Variants in SKIC3 observed in about 807,000 individuals in gnomAD.
SKIC3 encodes the protein SKI3 subunit of superkiller complex.
At chr5:95,482,461 G>C in the SKIC3 span, 36 of 1,613,474 alleles carry the variant, frequency 2.2e-5, no homozygotes, top group Non-Finnish European at 2.9e-5. Flanking sequence ...AGTAAGAAAG[G>C]AGAAAACTTA....
the SKIC3 span, chr5:95,464,392 GT>G: frequency 2.0e-6 from 1 of 494,034 alleles, no homozygotes; most frequent in Non-Finnish European, 3.6e-6. Flanking sequence ...TTTCATTCTG[GT>G]TTTCCCAAAT....
At chr5:95,495,791 G>T in the SKIC3 span, among the ~76,000 whole-genome samples, 10 of 152,188 alleles carry the variant, frequency 6.6e-5, no homozygotes, top group African/African-American at 2.4e-4. Flanking sequence ...CAAGCCTACA[G>T]AATTAGAAGC....
chr5:95,506,721 A>C, the SKIC3 span, among the ~76,000 whole-genome samples: 1 of 152,188 alleles, frequency 6.6e-6, no homozygotes. Flanking sequence ...CCAGTCAACA[A>C]ACCATGAGTT....
the SKIC3 span, among the ~76,000 whole-genome samples, chr5:95,506,617 T>C: frequency 6.6e-6 from 1 of 152,168 alleles, no homozygotes; most frequent in African/African-American, 2.4e-5. Flanking sequence ...TTTAATAATA[T>C]ATAGCAAATC....
the SKIC3 span, chr5:95,523,931 G>A: frequency 4.0e-6 from 5 of 1,258,688 alleles, no homozygotes; most frequent in Non-Finnish European, 5.5e-6. Flanking sequence ...AAAGAAAAAA[G>A]AAATAATTTC....
chr5:95,469,827 A>C, the SKIC3 span: 1 of 1,614,212 alleles, frequency 6.2e-7, no homozygotes, highest in Non-Finnish European at 8.5e-7. Flanking sequence ...GTAAAAGAAC[A>C]GCCAGTGGAC....
the SKIC3 span, chr5:95,529,102 C>A: frequency 1.2e-6 from 2 of 1,613,092 alleles, no homozygotes; most frequent in South Asian, 2.2e-5. Context: ...TTCCTTTAAC[C>A]CTAAAAGGAT....
the SKIC3 span, among the ~76,000 whole-genome samples, chr5:95,518,515 A>T: frequency 1.4e-5 from 2 of 141,066 alleles, no homozygotes; most frequent in Non-Finnish European, 3.0e-5. Context: ...CTTCTATGAG[A>T]TCAATTTTTT....
the SKIC3 span, chr5:95,514,804 C>T: frequency 1.3e-6 from 2 of 1,571,544 alleles, no homozygotes; most frequent in Non-Finnish European, 8.7e-7. Context: ...GCATATTAGT[C>T]AGTTATTGAT....
chr5:95,536,668 C>G, the SKIC3 span: 7 of 700,104 alleles, frequency 1.0e-5, no homozygotes, highest in South Asian at 8.2e-5. Flanking sequence ...TTCATATACA[C>G]AAAGACTACA....
chr5:95,484,028 A>C, the SKIC3 span, among the ~76,000 whole-genome samples: 1 of 152,178 alleles, frequency 6.6e-6, no homozygotes, highest in Non-Finnish European at 1.5e-5. Flanking sequence ...CCAAATAAAA[A>C]ATTTTTTAAA....
the SKIC3 span, among the ~76,000 whole-genome samples, chr5:95,479,352 C>T: frequency 6.6e-6 from 1 of 152,068 alleles, no homozygotes; most frequent in Non-Finnish European, 1.5e-5. Context: ...CATTTGTGGA[C>T]AGAAAATATT....
At chr5:95,480,378 T>A in the SKIC3 span, among the ~76,000 whole-genome samples, 1 of 152,020 alleles carries the variant, frequency 6.6e-6, no homozygotes, top group Non-Finnish European at 1.5e-5. Flanking sequence ...AAGTAAAAAA[T>A]GAAGACTCCA....
the SKIC3 span, among the ~76,000 whole-genome samples, chr5:95,548,993 C>T: frequency 1.3e-5 from 2 of 151,486 alleles, no homozygotes; most frequent in African/African-American, 4.9e-5. Context: ...TTGCTGTGCA[C>T]GATATAAAAA....
At chr5:95,543,140 A>C in the SKIC3 span, 3 of 1,608,750 alleles carry the variant, frequency 1.9e-6, no homozygotes. Context: ...AAATGCAAAA[A>C]AAAATCCATT....
chr5:95,473,395 C>T, the SKIC3 span, among the ~76,000 whole-genome samples: 3 of 152,104 alleles, frequency 2.0e-5, no homozygotes, highest in East Asian at 5.8e-4. Context: ...GATTCTCCCA[C>T]TTCTGCCTCC....
chr5:95,516,654 G>A, the SKIC3 span: 4 of 1,612,884 alleles, frequency 2.5e-6, no homozygotes, highest in Admixed American at 6.7e-5. Flanking sequence ...AAATATTGAA[G>A]TGTTACTCAA....
chr5:95,526,202 T>C, the SKIC3 span, among the ~76,000 whole-genome samples: 1 of 152,176 alleles, frequency 6.6e-6, no homozygotes, highest in Non-Finnish European at 1.5e-5. Context: ...CATTTGAACT[T>C]AATGATAATG....
At chr5:95,503,060 A>T in the SKIC3 span, 1 of 1,606,868 alleles carries the variant, frequency 6.2e-7, no homozygotes, top group Non-Finnish European at 8.5e-7. Context: ...TGATTGATGA[A>T]GCATGGGATT....
Sources: gnomAD v4.1 joint callset for allele counts (sites outside exome capture counted in the v4.1 genomes callset) on GRCh38, gnomAD v4.1.1 for gene constraint, MANE v1.5 for transcripts, NCBI Gene and HGNC (gene_info 2026-07-23, HGNC 2026-07-21) for gene names.